Variants in RNF215 observed in about 807,000 individuals in gnomAD.
RNF215 encodes the protein ring finger protein 215.
Under a neutral mutation model 44.8 loss-of-function variants are expected in RNF215, and 41 were observed. The observed-to-expected ratio is 0.92, with a 90% CI of 0.71 to 1.19. The LOEUF (loss-of-function observed/expected upper bound fraction) is 1.19. Ranked by LOEUF, RNF215 falls within the 50% of genes most tolerant of loss-of-function variation. RNF215 has a pLI of 0.00. For missense variants in RNF215, 452 were observed against 496.2 expected (o/e 0.91, Z 0.85); for synonymous variants, 218 against 230.1 (o/e 0.95, Z 0.48).
At position 30,387,344 on chromosome 22, in the gene RNF215, G is replaced by C; in HGVS notation, c.-31C>G. On this transcript the variant is annotated 5_prime_UTR_variant, in exon 1 of 9. Transcript: ENST00000382363. ...GACCCGGCGAGCTGGCCCAACAGTG[G>C]GGCCAGGGGTCCCGGGCGCGGGGGG... The C allele has an allele frequency of 9.5e-7, 1 of 1,050,126 alleles. No individual in the cohort carries two copies. The highest frequency in any genetic ancestry group is 1.1e-6 in the Non-Finnish European group (1 of 872,670). 65.1% of individuals were successfully genotyped at this position (1,050,126 alleles called of 1,614,324 possible). A position where few individuals can be genotyped will look rare whatever the true frequency, so the allele number is the denominator to read the frequency against.
At chr22:30,382,230 C>T (rs965763877) in intron 5 of RNF215, among the ~76,000 whole-genome samples, 16 of 151,990 alleles carry the variant, frequency 1.1e-4, no homozygotes, top group African/African-American at 3.1e-4. Flanking sequence ...GGAGAAACCC[C>T]GTCTCAACTA....
In RNF215 at chr22:30,387,277, G is replaced by C. The variant is rs537401342; in HGVS notation, c.37C>G (p.Pro13Ala). The change falls in exon 1 of 9, where the codon CCG becomes GCG. Residue 13 changes from proline (P) to alanine (A), a missense_variant. Pro to Ala is a conservative substitution (Grantham distance 27, BLOSUM62 -1). Coordinates refer to ENST00000382363, the MANE Select transcript of RNF215 (RefSeq NM_001017981.2). ...PAARPALRSPPPPPPPPPSPL... is the reference protein window; with the variant it reads ...PAARPALRSPAPPPPPPPSPL... ...GACGGAGGCGGCGGCGGAGGCGGCGGCGGCGATCTCAGCGCGGGGCGAGCG... is the reference window on the plus strand; with the variant it reads ...GACGGAGGCGGCGGCGGAGGCGGCGCCGGCGATCTCAGCGCGGGGCGAGCG... 527 of 1,065,400 alleles carry C rather than the reference G, an allele frequency of 4.9e-4. No homozygotes were observed. In the Middle Eastern group the frequency reaches 5.1e-3, roughly 10 times the overall value. 66.0% of individuals were successfully genotyped at this position (1,065,400 alleles called of 1,614,324 possible).
intron 5 of RNF215, among the ~76,000 whole-genome samples, chr22:30,382,864 G>A (rs1933546884): frequency 6.6e-6 from 1 of 152,144 alleles, no homozygotes; most frequent in Non-Finnish European, 1.5e-5. Flanking sequence ...CACTTTGGGA[G>A]GCCGAGGTGG....
chr22:30,380,062 CTGTT>C lies in RNF215; in HGVS notation c.1004_1007del (p.Lys335SerfsTer21). On this transcript the variant is annotated frameshift_variant and splice_region_variant, in exon 7 of 9. Coordinates refer to ENST00000382363, the MANE Select transcript of RNF215 (RefSeq NM_001017981.2). LOFTEE classifies it high-confidence loss of function. The surrounding 1 kb of genome is among the most constrained non-coding windows in gnomAD (Gnocchi z 5.3). ...GCTGGTCTCTACCCGGGGCACTAGC[CTGTT>C]TGTTGCAGAAGTAGTCCAGGCACAC... is the stretch of plus-strand genomic sequence containing the variant. The C allele has an allele frequency of 1.9e-6, 3 of 1,613,874 alleles. No homozygotes were observed. Among genetic ancestry groups the C allele is most frequent in the Non-Finnish European group, 2.5e-6 (3 of 1,179,910 alleles).
chr22:30,383,510 C>G (rs927121931), intron 5 of RNF215, among the ~76,000 whole-genome samples: 1 of 152,170 alleles, frequency 6.6e-6, no homozygotes, highest in Non-Finnish European at 1.5e-5. Flanking sequence ...AGGATTTGAT[C>G]CCAAGATTGC....
Position 30,386,699 on chromosome 22 carries a change from C to A in RNF215, c.346G>T (p.Val116Leu), listed in dbSNP as rs772745667. Residue 116 changes from valine (V) to leucine (L), a missense_variant, in exon 2 of 9, where the codon GTG becomes TTG. Val to Leu is a conservative substitution (Grantham distance 32). Coordinates refer to ENST00000382363, the MANE Select transcript of RNF215 (RefSeq NM_001017981.2). ...AACTGGGCCGCCTGCTCCTTGCCCA[C>A]GTATGCCACTGCAATCCAGCCTTCC... The part of the protein sequence containing the change: ...PVEGWIAVAY[V>L]GKEQAAQFHQ... The A allele has an allele frequency of 1.2e-6, 2 of 1,612,036 alleles. No homozygotes were observed. Among genetic ancestry groups the A allele is most frequent in the Admixed American group, 1.7e-5 (1 of 60,028 alleles).
chr22:30,386,960 G>A, intron 1 of RNF215, 69 bp downstream of exon 1: 12 of 1,517,142 alleles, frequency 7.9e-6, no homozygotes, highest in Non-Finnish European at 9.7e-6. Context: ...TCGGTTCAGG[G>A]TGCGGGGTCT....
At chr22:30,381,160 G>C in intron 5 of RNF215, among the ~76,000 whole-genome samples, 1 of 152,204 alleles carries the variant, frequency 6.6e-6, no homozygotes, top group East Asian at 1.9e-4. Context: ...ATGGCTGGGT[G>C]AATGCGCCCC....
In RNF215 at chr22:30,379,750, G is replaced by A. The variant is rs1420363237; in HGVS notation, c.1072C>T (p.Leu358Phe). The A allele has an allele frequency of 1.9e-6, 3 of 1,567,916 alleles. No homozygotes were observed. Among genetic ancestry groups the A allele is most frequent in the South Asian group, 2.3e-5 (2 of 85,152 alleles). The change falls in exon 8 of 9, where the codon CTC (leucine) becomes TTC (phenylalanine). Residue 358 changes from leucine (L) to phenylalanine (F), a missense_variant. By Grantham distance (22) the Leu-to-Phe change is conservative (BLOSUM62 0). Coordinates refer to ENST00000382363, the MANE Select transcript of RNF215 (RefSeq NM_001017981.2). ...TTGCACAGTGGGCAGGTCTGCTGGA[G>A]CATCAGCCAGGGGTCCACACAGTCT... ...HRDCVDPWLM[L>F]QQTCPLCKFN...
Position 30,379,310 on chromosome 22 carries a change from T to C in RNF215, c.*290A>G. 1 of 497,304 alleles carries C rather than the reference T, an allele frequency of 2.0e-6. No individual in the cohort carries two copies. Among genetic ancestry groups the C allele is most frequent in the Non-Finnish European group, 3.7e-6 (1 of 273,820 alleles). The allele number at this position is 497,304 out of a possible 1,614,324, so 30.8% of individuals were successfully genotyped here. ...CCCATATTCTCTTTCCTTATTGACC[T>C]GGGAGCTGCCTGTAAGGAGGGCAGA... On this transcript the variant is annotated 3_prime_UTR_variant, in exon 9 of 9. Transcript: ENST00000382363.
Position 30,387,106 on chromosome 22 carries a change from C to G in RNF215, c.208G>C (p.Asp70His). Residue 70 changes from aspartate (D) to histidine (H), a missense_variant, in exon 1 of 9, where the codon GAC becomes CAC. Asp to His is a moderately conservative substitution (Grantham distance 81, BLOSUM62 -1). Transcript: ENST00000382363. ...VRVDVRLPRQ[D>H]ALVLEGVRIG... ...CTGACGCCCTCCAGGACCAGAGCGTCCTGGCGCGGCAGTCTCACGTCCACC... is the reference window on the plus strand; with the variant it reads ...CTGACGCCCTCCAGGACCAGAGCGTGCTGGCGCGGCAGTCTCACGTCCACC... 6.6e-7 allele frequency: 1 copy of G among 1,519,742 alleles called. No homozygotes were observed. 94.1% of individuals were successfully genotyped at this position (1,519,742 alleles called of 1,614,324 possible). A position where few individuals can be genotyped will look rare whatever the true frequency, so the allele number is the denominator to read the frequency against.
Position 30,380,169 on chromosome 22 carries a change from C to T in RNF215, c.901G>A (p.Ala301Thr), listed in dbSNP as rs1213877294. ...LFKRRVVRRL[A>T]SLKTRRCRLS... ...CGGCAGCGCCGTGTCTTGAGGGATG[C>T]CAGTCTCCGCACCACGCGGCGCTTA... Residue 301 changes from alanine to threonine, a missense_variant, in exon 7 of 9, where the codon GCA becomes ACA. Ala to Thr is a moderately conservative substitution (Grantham distance 58). Coordinates refer to ENST00000382363, the MANE Select transcript of RNF215 (RefSeq NM_001017981.2). The surrounding 1 kb of genome is among the most constrained non-coding windows in gnomAD (Gnocchi z 5.3). 3.3e-5 allele frequency: 54 copies of T among 1,613,764 alleles called. No homozygotes were observed. Among genetic ancestry groups the T allele is most frequent in the Non-Finnish European group, 4.6e-5 (54 of 1,179,988 alleles).
chr22:30,380,509 G>T lies in RNF215; in HGVS notation c.745-108C>A. The T allele has an allele frequency of 7.3e-7, 1 of 1,372,036 alleles. No homozygotes were observed. The highest frequency in any genetic ancestry group is 9.8e-7 in the Non-Finnish European group (1 of 1,019,020). The allele number at this position is 1,372,036 out of a possible 1,614,324, so 85.0% of individuals were successfully genotyped here. A position where few individuals can be genotyped will look rare whatever the true frequency, so the allele number is the denominator to read the frequency against. ...GAGCAGGCAGGTGAGGTATGCTGAC[G>T]GCCTCTGTGTCCCTGCAGTCCCCAG... On this transcript the variant is annotated intron_variant, in intron 5 of 8. Coordinates refer to ENST00000382363, the MANE Select transcript of RNF215 (RefSeq NM_001017981.2). The surrounding 1 kb of genome is among the most constrained non-coding windows in gnomAD (Gnocchi z 5.3).
Position 30,381,036 on chromosome 22 carries a change from TCA to T in RNF215, c.745-637_745-636del, listed in dbSNP as rs1163244281. Among the ~76,000 whole-genome samples, 5 of 152,312 alleles carry T rather than the reference TCA, an allele frequency of 3.3e-5. No homozygotes were observed. The East Asian group carries it at 9.6e-4, about 29-fold the overall frequency. ...TCCCTGCAGTGCCACTTGCCTCCTC[TCA>T]GTGTCTGTGCCTTTCCACACTGTTC... On this transcript the variant is annotated intron_variant, in intron 5 of 8. Transcript: ENST00000382363.
At chr22:30,386,524 G>A in intron 2 of RNF215, 92 bp downstream of exon 2, 1 of 1,475,162 alleles carries the variant, frequency 6.8e-7, no homozygotes, top group Non-Finnish European at 9.1e-7. Context: ...TTCTCTGCAA[G>A]CTCTTAAGGG....
intron 5 of RNF215, among the ~76,000 whole-genome samples, chr22:30,381,626 G>C (rs1189987153): frequency 6.6e-6 from 1 of 152,206 alleles, no homozygotes; most frequent in South Asian, 2.1e-4. Context: ...CTCTGCCATC[G>C]TGTTCTTCCC....
rs1259115885 is a variant in RNF215, at chr22:30,384,451, G to A, written c.632C>T (p.Ser211Phe). ...GGTCAACTTCCACTCGATATTGGCA[G>A]ACAGGGACTCTCCGCTGGTGATCTC... ...TAEITSGESL[S>F]ANIEWKLTLW... The change falls in exon 5 of 9, where the codon TCT becomes TTT. Residue 211 changes from serine (S) to phenylalanine (F), a missense_variant. Physicochemically the swap from Ser to Phe is radical, Grantham distance 155. Coordinates refer to ENST00000382363, the MANE Select transcript of RNF215 (RefSeq NM_001017981.2). The A allele has an allele frequency of 7.4e-6, 12 of 1,613,946 alleles. No individual in the cohort carries two copies. Among genetic ancestry groups the A allele is most frequent in the Non-Finnish European group, 9.3e-6 (11 of 1,179,996 alleles).
Position 30,380,101 on chromosome 22 carries a change from C to G in RNF215, c.969G>C (p.Glu323Asp). Residue 323 changes from glutamate to aspartate, a missense_variant, in exon 7 of 9, where the codon GAG (glutamate) becomes GAC (aspartate). By Grantham distance (45) the Glu-to-Asp change is conservative. Coordinates refer to ENST00000382363, the MANE Select transcript of RNF215 (RefSeq NM_001017981.2). This position sits in a 1 kb window ranked among gnomAD's most constrained non-coding sequence, Gnocchi z 5.3. ...AAQGLPDPGAETCAVCLDYFC... is the reference protein window; with the variant it reads ...AAQGLPDPGADTCAVCLDYFC... Reference sequence around the variant, plus strand: ...AGTAGTCCAGGCACACCGCACAGGTCTCAGCACCCGGATCTGGGAGGCCCT... The same window carrying G: ...AGTAGTCCAGGCACACCGCACAGGTGTCAGCACCCGGATCTGGGAGGCCCT... 1 of 1,613,880 alleles carries G rather than the reference C, an allele frequency of 6.2e-7. No homozygotes were observed. The highest frequency in any genetic ancestry group is 8.5e-7 in the Non-Finnish European group (1 of 1,179,958).
At position 30,387,366 on chromosome 22, in the gene RNF215, G is replaced by T. The variant is rs558566770; in HGVS notation, c.-53C>A. 6.5e-5 allele frequency: 67 copies of T among 1,032,670 alleles called. No homozygotes were observed. In the African/African-American group the frequency reaches 1.0e-3, roughly 15 times the overall value. The allele number at this position is 1,032,670 out of a possible 1,614,324, so 64.0% of individuals were successfully genotyped here. A position where few individuals can be genotyped will look rare whatever the true frequency, so the allele number is the denominator to read the frequency against. The stretch of plus-strand genomic sequence containing the variant: ...GTGGGGCCAGGGGTCCCGGGCGCGG[G>T]GGGGATCGGAGGGAGCGAGGCCGCT... On this transcript the variant is annotated 5_prime_UTR_variant, in exon 1 of 9. Transcript: ENST00000382363.
Sources: allele counts gnomAD v4.1 joint callset (sites outside exome capture counted in the v4.1 genomes callset), GRCh38; gene constraint gnomAD v4.1.1; non-coding constraint Gnocchi (gnomAD v3.1); transcripts MANE v1.5; gene names NCBI Gene and HGNC (gene_info 2026-07-23, HGNC 2026-07-21).